Variants in ABL2 observed in about 807,000 individuals in gnomAD.
ABL2 encodes ABL proto-oncogene 2, non-receptor tyrosine kinase, also known as tyrosine-protein kinase ABL2.
In ABL2, 49 loss-of-function variants were observed where a neutral mutation model predicts 107.7. The ratio of observed to expected loss-of-function variants is 0.45; its 90% CI spans 0.36 to 0.58. The LOEUF (loss-of-function observed/expected upper bound fraction) is 0.58. Ranked by LOEUF, ABL2 falls within the 20% of genes least tolerant of loss-of-function variation. The pLI is 0.00. For missense variants in ABL2, 1,245 were observed against 1,457.0 expected (o/e 0.85, Z 2.37); for synonymous variants, 549 against 548.6 (o/e 1.00, Z -0.01).
At chr1:179,223,947 G>T (rs1210338857) in intron 1 of ABL2, among the ~76,000 whole-genome samples, 1 of 140,654 alleles carries the variant, frequency 7.1e-6, no homozygotes, top group African/African-American at 2.6e-5. Context: ...GGGCAACATG[G>T]CAAAACTCTG....
At chr1:179,176,016 C>T (rs535442401) in intron 1 of ABL2, among the ~76,000 whole-genome samples, 23 of 151,670 alleles carry the variant, frequency 1.5e-4, no homozygotes, top group African/African-American at 4.4e-4. Context: ...CCACCACGCC[C>T]GGCTAATTTT....
At chr1:179,160,589 C>T (rs959431509) in intron 1 of ABL2, among the ~76,000 whole-genome samples, 1 of 151,996 alleles carries the variant, frequency 6.6e-6, no homozygotes, top group East Asian at 1.9e-4. Flanking sequence ...CTCCAATTTC[C>T]TTCATCTTCC....
chr1:179,213,203 T>C (rs1299206252), intron 1 of ABL2, among the ~76,000 whole-genome samples: 1 of 152,186 alleles, frequency 6.6e-6, no homozygotes, highest in Non-Finnish European at 1.5e-5. Context: ...AAAAAATTAA[T>C]GCAGTACTTT....
In ABL2 at chr1:179,210,648, G is replaced by A. The variant is rs376358147; in HGVS notation, c.157+18593C>T. Among the ~76,000 whole-genome samples the A allele has an allele frequency of 9.2e-5, 14 of 151,990 alleles. No individual in the cohort carries two copies. In the East Asian group the frequency reaches 2.1e-3, roughly 23 times the overall value. On this transcript the variant is annotated intron_variant, in intron 1 of 11. Transcript: ENST00000502732. The stretch of plus-strand genomic sequence containing the variant: ...TGGGCGCATCACGAGGTCAGAGATC[G>A]AGACCATCCTGGCTAACACAGTGAA...
intron 1 of ABL2, among the ~76,000 whole-genome samples, chr1:179,228,338 C>T (rs886799009): frequency 6.6e-6 from 1 of 151,610 alleles, no homozygotes; most frequent in Non-Finnish European, 1.5e-5. Context: ...CAAAGCGAGA[C>T]TCTGTCTCAA....
intron 1 of ABL2, among the ~76,000 whole-genome samples, chr1:179,207,704 G>T (rs747059806): frequency 1.3e-5 from 2 of 152,036 alleles, no homozygotes; most frequent in Non-Finnish European, 2.9e-5. Context: ...ACTTGCCCAG[G>T]AATACATTAT....
At chr1:179,131,772 C>T (rs376988213) in intron 2 of ABL2, among the ~76,000 whole-genome samples, 1 of 152,152 alleles carries the variant, frequency 6.6e-6, no homozygotes, top group East Asian at 1.9e-4. Flanking sequence ...ATAGGAAACG[C>T]AGTTTTCTCA....
rs575266147 is a variant in ABL2, at chr1:179,107,096, C to T, written c.*622G>A. 4.3e-6 allele frequency: 1 copy of T among 230,744 alleles called. No individual in the cohort carries two copies. Among genetic ancestry groups the T allele is most frequent in the Admixed American group, 5.6e-5 (1 of 17,720 alleles). 14.3% of individuals were successfully genotyped at this position (230,744 alleles called of 1,614,324 possible). A position where few individuals can be genotyped will look rare whatever the true frequency, so the allele number is the denominator to read the frequency against. ...ACTTTCCAGCATTCTTTACTTCCTG[C>T]ACTAACTGATACACCAGCGGAAAAT... On this transcript the variant is annotated 3_prime_UTR_variant, in exon 12 of 12. Coordinates refer to ENST00000502732, the MANE Select transcript of ABL2 (RefSeq NM_007314.4).
intron 1 of ABL2, among the ~76,000 whole-genome samples, chr1:179,200,453 G>T (rs12134611): frequency 5.3e-5 from 8 of 152,238 alleles, no homozygotes; most frequent in Admixed American, 3.9e-4. Context: ...TAGACAGCAA[G>T]GTACAGTTTC....
intron 1 of ABL2, among the ~76,000 whole-genome samples, chr1:179,136,871 G>A (rs1217489195): frequency 6.2e-5 from 9 of 146,158 alleles, no homozygotes; most frequent in Admixed American, 1.4e-4. Context: ...AGCCAAGATC[G>A]CCGCTGTGCT....
intron 1 of ABL2, among the ~76,000 whole-genome samples, chr1:179,227,945 G>A (rs936107155): frequency 2.0e-5 from 3 of 151,056 alleles, no homozygotes; most frequent in Admixed American, 1.3e-4. Flanking sequence ...CAGCTACTCC[G>A]AGGCTGAGGC....
chr1:179,139,969 T>G (rs911482184), intron 1 of ABL2, among the ~76,000 whole-genome samples: 1 of 152,178 alleles, frequency 6.6e-6, no homozygotes, highest in African/African-American at 2.4e-5. Flanking sequence ...GCCAAAAAGG[T>G]TGGGACCACT....
At chr1:179,129,299 A>G (rs1211565616) in intron 3 of ABL2, among the ~76,000 whole-genome samples, 1 of 152,212 alleles carries the variant, frequency 6.6e-6, no homozygotes, top group Non-Finnish European at 1.5e-5. Context: ...CTATGAAAGA[A>G]TTTCTGAGTC....
At chr1:179,215,425 A>G (rs1046311979) in intron 1 of ABL2, among the ~76,000 whole-genome samples, 1 of 152,076 alleles carries the variant, frequency 6.6e-6, no homozygotes, top group African/African-American at 2.4e-5. Flanking sequence ...ATACCTTTGT[A>G]TATTTTTATG....
chr1:179,117,218 G>A (rs1654731356), intron 8 of ABL2, 114 bp downstream of exon 8: 2 of 1,052,222 alleles, frequency 1.9e-6, no homozygotes, highest in Non-Finnish European at 1.4e-6. Flanking sequence ...AACTGAAGAA[G>A]AATGGCAGGT....
rs1258229847 is a variant in ABL2 at position 179,121,460 on chromosome 1, C to T, written c.960+135G>A. The T allele has an allele frequency of 8.5e-6, 10 of 1,170,458 alleles. No individual in the cohort carries two copies. The Admixed American group carries it at 1.7e-4, about 20-fold the overall frequency. 72.5% of individuals were successfully genotyped at this position (1,170,458 alleles called of 1,614,324 possible). A position where few individuals can be genotyped will look rare whatever the true frequency, so the allele number is the denominator to read the frequency against. ...TGTCAGCAATGGCACTAGGGTTAAT[C>T]ATCTCAATTTGCTGATGTGCTTGGC... is the stretch of plus-strand genomic sequence containing the variant. On this transcript the variant is annotated intron_variant, in intron 5 of 11. Coordinates refer to ENST00000502732, the MANE Select transcript of ABL2 (RefSeq NM_007314.4).
At chr1:179,171,870 A>G (rs1659745399) in intron 1 of ABL2, among the ~76,000 whole-genome samples, 1 of 152,188 alleles carries the variant, frequency 6.6e-6, no homozygotes, top group South Asian at 2.1e-4. Context: ...TTATTTCTTC[A>G]TTTTTGAAAA....
At chr1:179,147,710 A>G (rs1432246947) in intron 1 of ABL2, among the ~76,000 whole-genome samples, 3 of 152,204 alleles carry the variant, frequency 2.0e-5, no homozygotes, top group African/African-American at 7.2e-5. Context: ...TGGAGACTCC[A>G]AAAGGTGGAA....
chr1:179,184,089 G>T, intron 1 of ABL2: 1 of 274,340 alleles, frequency 3.6e-6, no homozygotes, highest in Non-Finnish European at 7.0e-6. Context: ...GAAGAGGTGA[G>T]AATTGATCGC....
Sources: allele counts gnomAD v4.1 joint callset (sites outside exome capture counted in the v4.1 genomes callset), GRCh38; gene constraint gnomAD v4.1.1; transcripts MANE v1.5; gene names NCBI Gene and HGNC (gene_info 2026-07-23, HGNC 2026-07-21).